The following RGPD6 variants were observed in gnomAD, a reference collection of about 807,000 sequenced individuals.
RGPD6 encodes RANBP2-like and GRIP domain-containing protein 5/6.
At chr2:110,599,824 T>G in the RGPD6 span, among the ~76,000 whole-genome samples, 2 of 103,358 alleles carry the variant, frequency 1.9e-5, no homozygotes, top group South Asian at 4.0e-4. Flanking sequence ...CCTTTCAGAC[T>G]CCAAAGAATT....
At chr2:110,606,506 TG>T in the RGPD6 span, among the ~76,000 whole-genome samples, 1 of 100,538 alleles carries the variant, frequency 9.9e-6, no homozygotes, top group Non-Finnish European at 2.0e-5. Context: ...TGTTGTATGT[TG>T]ATAGACTTTC....
At chr2:110,597,125 T>G in the RGPD6 span, among the ~76,000 whole-genome samples, 2 of 51,074 alleles carry the variant, frequency 3.9e-5, no homozygotes, top group Non-Finnish European at 7.1e-5. Flanking sequence ...ATTACAGGTG[T>G]CCACCACCAC....
chr2:110,597,024 G>A, the RGPD6 span, among the ~76,000 whole-genome samples: 481 of 103,710 alleles, frequency 4.6e-3, 2 homozygotes, highest in Admixed American at 0.041. Flanking sequence ...TGACACCCAG[G>A]CTGGAATGCA....
At chr2:110,600,096 C>G in the RGPD6 span, among the ~76,000 whole-genome samples, 1 of 151,692 alleles carries the variant, frequency 6.6e-6, no homozygotes, top group African/African-American at 2.4e-5. Flanking sequence ...TGCCGCCGCA[C>G]GTGATGATCA....
chr2:110,591,446 T>TA, the RGPD6 span, among the ~76,000 whole-genome samples: 192 of 142,494 alleles, frequency 1.3e-3, 1 homozygote, highest in African/African-American at 3.9e-3. Flanking sequence ...TTCTTAAAAC[T>TA]AAAAAAAAAA....
intron 1 of RGPD6, 48 bp downstream of exon 1, chr2:110,576,905 C>CCCCCCG (rs1553511146): frequency 1.9e-6 from 2 of 1,049,518 alleles, no homozygotes; most frequent in Non-Finnish European, 2.3e-6. Flanking sequence ...CCCCCCTCCC[C>CCCCCCG]CCCCGGCCGG....
chr2:110,600,692 T>G, the RGPD6 span, among the ~76,000 whole-genome samples: 2 of 46,684 alleles, frequency 4.3e-5, no homozygotes, highest in Admixed American at 4.6e-4. Flanking sequence ...TAGATTCTCA[T>G]AAGGAGAAAC....
At chr2:110,593,096 A>G in the RGPD6 span, among the ~76,000 whole-genome samples, 3 of 148,358 alleles carry the variant, frequency 2.0e-5, no homozygotes, top group Admixed American at 2.0e-4. Flanking sequence ...CACATTTATA[A>G]AGGACTTAAT....
the RGPD6 span, among the ~76,000 whole-genome samples, chr2:110,610,474 C>T: frequency 6.6e-6 from 1 of 151,416 alleles, no homozygotes; most frequent in South Asian, 2.1e-4. Context: ...GATCACCAGT[C>T]CCTGGGCTGG....
the RGPD6 span, among the ~76,000 whole-genome samples, chr2:110,596,544 ATTG>A: frequency 6.7e-6 from 1 of 148,248 alleles, no homozygotes; most frequent in South Asian, 2.2e-4. Flanking sequence ...TACCATCATT[ATTG>A]TTATTAATGA....
chr2:110,599,911 T>C, the RGPD6 span, among the ~76,000 whole-genome samples: 1 of 123,612 alleles, frequency 8.1e-6, no homozygotes, highest in African/African-American at 2.9e-5. Context: ...CTTACAAGGA[T>C]TGGTTCTCAA....
chr2:110,607,295 T>C, the RGPD6 span, among the ~76,000 whole-genome samples: 2 of 151,662 alleles, frequency 1.3e-5, no homozygotes, highest in African/African-American at 4.9e-5. Flanking sequence ...CCTTCACCTT[T>C]TTCCAAGTTC....
the RGPD6 span, among the ~76,000 whole-genome samples, chr2:110,607,107 A>G: frequency 1.1e-4 from 17 of 150,430 alleles, no homozygotes; most frequent in African/African-American, 4.0e-4. Context: ...AAAGGCCCTG[A>G]GGAATGGCTT....
chr2:110,591,367 A>G, the RGPD6 span, among the ~76,000 whole-genome samples: 1 of 150,946 alleles, frequency 6.6e-6, no homozygotes, highest in Non-Finnish European at 1.5e-5. Context: ...AAACTAAAGA[A>G]AAATATCACG....
the RGPD6 span, among the ~76,000 whole-genome samples, chr2:110,591,923 T>TG: frequency 8.2e-5 from 12 of 147,034 alleles, 1 homozygote; most frequent in African/African-American, 3.2e-4. Flanking sequence ...AGCATTTAGT[T>TG]ATAGGCATCA....
chr2:110,608,481 G>A, the RGPD6 span, among the ~76,000 whole-genome samples: 3 of 148,548 alleles, frequency 2.0e-5, no homozygotes, highest in African/African-American at 7.6e-5. Context: ...AAGCTTAAAA[G>A]TAACCATAAA....
the RGPD6 span, among the ~76,000 whole-genome samples, chr2:110,593,647 C>T: frequency 1.3e-5 from 2 of 148,262 alleles, no homozygotes; most frequent in Non-Finnish European, 2.9e-5. Flanking sequence ...GAGGACTAAG[C>T]TAAAAAAATT....
the RGPD6 span, among the ~76,000 whole-genome samples, chr2:110,597,010 G>A: frequency 2.4e-4 from 25 of 105,584 alleles, no homozygotes; most frequent in South Asian, 1.9e-3. Flanking sequence ...AAGGAGTCTC[G>A]CGGTGACACC....
At chr2:110,596,576 T>TG in the RGPD6 span, among the ~76,000 whole-genome samples, 1 of 149,086 alleles carries the variant, frequency 6.7e-6, no homozygotes, top group African/African-American at 2.5e-5. Flanking sequence ...TTAGGTGTTA[T>TG]GGTAGATTTG....
Sources: allele counts gnomAD v4.1 joint callset (sites outside exome capture counted in the v4.1 genomes callset), GRCh38; gene constraint gnomAD v4.1.1; transcripts MANE v1.5; gene names NCBI Gene and HGNC (gene_info 2026-07-23, HGNC 2026-07-21).